Variants in RALGAPA1 observed in about 807,000 individuals in gnomAD.
RALGAPA1 encodes ral GTPase-activating protein subunit alpha-1.
Under a neutral mutation model 269.6 loss-of-function variants are expected in RALGAPA1, and 52 were observed. That is an observed-to-expected ratio of 0.19 (90% confidence interval 0.15 to 0.24). The LOEUF (loss-of-function observed/expected upper bound fraction) is 0.24, where lower values mean the gene tolerates loss of function less well. RALGAPA1 is among the 10% of genes least tolerant of loss of function. RALGAPA1 has a pLI of 1.00. For missense variants in RALGAPA1, 1,917 were observed against 3,013.9 expected, an observed-to-expected ratio of 0.64 and a Z score of 8.52; for synonymous variants, 817 against 1,008.3, an observed-to-expected ratio of 0.81 and a Z score of 3.60.
chr14:35,714,694 C>T (rs976114014), intron 16 of RALGAPA1, among the ~76,000 whole-genome samples: 1 of 152,144 alleles, frequency 6.6e-6, no homozygotes. Context: ...TACACATTTA[C>T]GACTTTCTTT....
intron 16 of RALGAPA1, among the ~76,000 whole-genome samples, chr14:35,718,842 T>A (rs893137820): frequency 2.1e-5 from 2 of 97,032 alleles, no homozygotes; most frequent in Non-Finnish European, 2.1e-5. Flanking sequence ...AAAAATGGAT[T>A]TTTTTTTTTT....
chr14:35,790,327 G>C (rs2076067033), intron 1 of RALGAPA1, among the ~76,000 whole-genome samples: 1 of 152,072 alleles, frequency 6.6e-6, no homozygotes, highest in Admixed American at 6.6e-5. Context: ...AAAGAATTGT[G>C]GGGATCTTTG....
chr14:35,654,393 G>C lies in RALGAPA1; in HGVS notation c.5581C>G (p.Pro1861Ala), dbSNP rs1367729019. 1.9e-6 allele frequency: 3 copies of C among 1,599,076 alleles called. No individual in the cohort carries two copies. Among genetic ancestry groups the C allele is most frequent in the African/African-American group, 1.3e-5 (1 of 74,412 alleles). Residue 1861 changes from proline (P) to alanine (A), a missense_variant, in exon 30 of 42, where the codon CCT (proline) becomes GCT (alanine). Transcript: ENST00000680220. ...HYVPRLQIYQ[P>A]DSPLKIIQIL... ...TGAATAATTTTCAAGGGAGAATCAG[G>C]CTGGTAAATCTGAAGTCTAGGTACA...
chr14:35,651,750 T>C, intron 31 of RALGAPA1, 55 bp downstream of exon 31: 1 of 1,474,606 alleles, frequency 6.8e-7, no homozygotes. Flanking sequence ...AGTTTTGAAA[T>C]GCAAATATTT....
intron 39 of RALGAPA1, among the ~76,000 whole-genome samples, chr14:35,562,005 G>C (rs1342775531): frequency 6.6e-6 from 1 of 152,072 alleles, no homozygotes; most frequent in African/African-American, 2.4e-5. Flanking sequence ...TTTATTTGAA[G>C]AATTATCTTC....
rs539225726 is a variant in RALGAPA1 at position 35,651,929 on chromosome 14, A to G, written c.5608-56T>C. 9.6e-5 allele frequency: 136 copies of G among 1,413,390 alleles called. 1 individual carries two copies. In the East Asian group the frequency reaches 3.0e-3, roughly 31 times the overall value. The allele number at this position is 1,413,390 out of a possible 1,614,324, so 87.6% of individuals were successfully genotyped here. On this transcript the variant is annotated intron_variant, in intron 30 of 41. Transcript: ENST00000680220. ...TCTATATATGTCAAATTAATGGTACATCCTAAAACTTGATTGTTAAATGCT... is the reference window on the plus strand; with the variant it reads ...TCTATATATGTCAAATTAATGGTACGTCCTAAAACTTGATTGTTAAATGCT...
intron 41 of RALGAPA1, among the ~76,000 whole-genome samples, chr14:35,540,930 A>C (rs545753284): frequency 6.6e-6 from 1 of 152,322 alleles, no homozygotes; most frequent in South Asian, 2.1e-4. Flanking sequence ...TTTTGTGCTT[A>C]AACTGAAGTT....
chr14:35,643,862 T>C (rs1318990296), intron 31 of RALGAPA1, among the ~76,000 whole-genome samples: 1 of 152,056 alleles, frequency 6.6e-6, no homozygotes, highest in African/African-American at 2.4e-5. Flanking sequence ...AGACAGAGAA[T>C]AGAATGATGG....
At chr14:35,542,065 A>C (rs1272783533) in intron 41 of RALGAPA1, 8 of 1,150,528 alleles carry the variant, frequency 7.0e-6, no homozygotes, top group Non-Finnish European at 9.2e-6. Flanking sequence ...AAAAGAAAAG[A>C]AGAAAAAAGG....
At chr14:35,762,235 C>T (rs564300978) in intron 5 of RALGAPA1, among the ~76,000 whole-genome samples, 2 of 151,730 alleles carry the variant, frequency 1.3e-5, no homozygotes, top group African/African-American at 4.8e-5. Context: ...GTCAAACAAA[C>T]TCTTGCTACG....
chr14:35,731,153 C>T (rs916965400), intron 12 of RALGAPA1, among the ~76,000 whole-genome samples: 3 of 152,180 alleles, frequency 2.0e-5, no homozygotes, highest in African/African-American at 7.2e-5. Flanking sequence ...TGCGGTTCAG[C>T]TCACAGGAAG....
At position 35,689,001 on chromosome 14, in the gene RALGAPA1, G is replaced by C. The variant is rs1006836213; in HGVS notation, c.3410C>G (p.Ala1137Gly). The C allele has an allele frequency of 3.8e-5, 47 of 1,236,608 alleles. No individual in the cohort carries two copies. Among genetic ancestry groups the C allele is most frequent in the Non-Finnish European group, 4.3e-5 (43 of 990,714 alleles). 76.6% of individuals were successfully genotyped at this position (1,236,608 alleles called of 1,614,324 possible). ...RSLSETVTHR[A>G]KIMKIATKKR... is the part of the protein sequence containing the mutation. Reference sequence around the variant, plus strand: ...TTTAGTAGCAATTTTCATGATTTTGGCTCTATGAGTTACTGTTTCAGACAA... The same window carrying C: ...TTTAGTAGCAATTTTCATGATTTTGCCTCTATGAGTTACTGTTTCAGACAA... Residue 1137 changes from alanine (A) to glycine (G), a missense_variant, in exon 18 of 42, where the codon GCC (alanine) becomes GGC (glycine). By Grantham distance (60) the Ala-to-Gly change is moderately conservative (BLOSUM62 0). Around this residue, in one of 11 missense-constraint regions of RALGAPA1, gnomAD observed 615 missense variants for 790.0 expected, o/e 0.78. Transcript: ENST00000680220.
chr14:35,714,355 C>A (rs1052263383), intron 16 of RALGAPA1, among the ~76,000 whole-genome samples: 2 of 152,124 alleles, frequency 1.3e-5, no homozygotes, highest in Non-Finnish European at 2.9e-5. Flanking sequence ...TGGCATCTTA[C>A]TGTGATTTTC....
At chr14:35,706,373 A>G (rs1313340982) in intron 16 of RALGAPA1, among the ~76,000 whole-genome samples, 1 of 152,172 alleles carries the variant, frequency 6.6e-6, no homozygotes, top group Non-Finnish European at 1.5e-5. Flanking sequence ...TTACAGCACC[A>G]TGTTGAAAAG....
At chr14:35,604,506 T>G (rs887529598) in intron 36 of RALGAPA1, among the ~76,000 whole-genome samples, 1 of 151,644 alleles carries the variant, frequency 6.6e-6, no homozygotes, top group Non-Finnish European at 1.5e-5. Flanking sequence ...GGCTGACATA[T>G]CAGACACTGT....
chr14:35,546,233 G>A (rs972324077), intron 41 of RALGAPA1, among the ~76,000 whole-genome samples: 9 of 151,964 alleles, frequency 5.9e-5, no homozygotes, highest in African/African-American at 2.2e-4. Flanking sequence ...AATACTGAAA[G>A]TAATACGGAA....
chr14:35,789,172 A>AT (rs1272489437), intron 1 of RALGAPA1, among the ~76,000 whole-genome samples: 6 of 152,136 alleles, frequency 3.9e-5, no homozygotes, highest in Middle Eastern at 3.2e-3. Flanking sequence ...CTGCCCTGAG[A>AT]TTTTAAAGAA....
intron 35 of RALGAPA1, among the ~76,000 whole-genome samples, chr14:35,609,022 C>A (rs566806942): frequency 3.3e-5 from 5 of 152,108 alleles, no homozygotes; most frequent in Non-Finnish European, 5.9e-5. Context: ...GTCAGGAGAT[C>A]GAGATCATCC....
chr14:35,596,999 T>C (rs951887836), intron 36 of RALGAPA1, among the ~76,000 whole-genome samples: 1 of 152,140 alleles, frequency 6.6e-6, no homozygotes, highest in South Asian at 2.1e-4. Context: ...AAGAGATTCC[T>C]CATTTTTGGT....
Sources: gnomAD v4.1 joint callset for allele counts (sites outside exome capture counted in the v4.1 genomes callset) on GRCh38, gnomAD v4.1.1 for gene constraint, gnomAD v4.1.1 regional missense constraint, MANE v1.5 for transcripts, NCBI Gene and HGNC (gene_info 2026-07-23, HGNC 2026-07-21) for gene names.